Variants in SNX30 observed in about 807,000 individuals in gnomAD.
The protein encoded by SNX30 is sorting nexin-30.
A neutral mutation model predicts 46.4 loss-of-function variants in SNX30; 24 were observed. The observed-to-expected ratio is 0.52, with a 90% CI of 0.37 to 0.73. The LOEUF is 0.73. Ranked by LOEUF, SNX30 falls within the 30% of genes least tolerant of loss-of-function variation. The probability of loss-of-function intolerance (pLI) is 0.00; values close to 1 mark genes in which losing one functional copy is unlikely to be tolerated. For synonymous variants in SNX30, 189 were observed against 211.5 expected (o/e 0.89, Z 0.92); for missense variants, 533 against 555.7 (o/e 0.96, Z 0.41).
intron 1 of SNX30, among the ~76,000 whole-genome samples, chr9:112,797,923 G>A (rs55980494): frequency 0.15 from 21,530 of 144,380 alleles, 1,875 homozygotes; most frequent in Admixed American, 0.21. Context: ...TGTTGGCCAG[G>A]CTGGTCTTGA....
chr9:112,850,402 A>G (rs1198182743), intron 6 of SNX30, among the ~76,000 whole-genome samples: 2 of 152,236 alleles, frequency 1.3e-5, no homozygotes, highest in Non-Finnish European at 2.9e-5. Flanking sequence ...TGAACAGATC[A>G]GTCCACTAGG....
Position 112,788,350 on chromosome 9 carries a change from A to G in SNX30, c.157-16426A>G, listed in dbSNP as rs144506929. Among the ~76,000 whole-genome samples, 7 of 152,296 alleles carry G rather than the reference A, an allele frequency of 4.6e-5. No individual in the cohort carries two copies. The East Asian group carries it at 1.4e-3, about 29-fold the overall frequency. On this transcript the variant is annotated intron_variant, in intron 1 of 8. Coordinates refer to ENST00000374232, the MANE Select transcript of SNX30 (RefSeq NM_001012994.2). Reference sequence around the variant, plus strand: ...TTAGGCACCTGACTTCTTAGGTCACATGCAGAGTGCACTCCGCGTGTGTAG... The same window carrying G: ...TTAGGCACCTGACTTCTTAGGTCACGTGCAGAGTGCACTCCGCGTGTGTAG...
chr9:112,849,800 C>A (rs562841672), intron 6 of SNX30, among the ~76,000 whole-genome samples: 2 of 152,174 alleles, frequency 1.3e-5, no homozygotes, highest in South Asian at 4.1e-4. Flanking sequence ...TGACTCCTCA[C>A]GCTGCTGGAA....
intron 6 of SNX30, among the ~76,000 whole-genome samples, chr9:112,849,541 A>T (rs1411683205): frequency 6.6e-6 from 1 of 152,234 alleles, no homozygotes; most frequent in African/African-American, 2.4e-5. Flanking sequence ...AGGGAATGTC[A>T]GGGCACTTAG....
At chr9:112,847,303 G>A (rs757716767) in intron 6 of SNX30, among the ~76,000 whole-genome samples, 3 of 152,170 alleles carry the variant, frequency 2.0e-5, no homozygotes, top group Non-Finnish European at 4.4e-5. Flanking sequence ...AGCATCAGCA[G>A]TTGCCCACTC....
At chr9:112,794,969 T>C (rs1468391192) in intron 1 of SNX30, among the ~76,000 whole-genome samples, 1 of 152,228 alleles carries the variant, frequency 6.6e-6, no homozygotes, top group Non-Finnish European at 1.5e-5. Context: ...TTTTCATTAT[T>C]AATCAACTAT....
In SNX30 at chr9:112,751,032, T is replaced by C. The variant is rs1354849266; in HGVS notation, c.31T>C (p.Ser11Pro). MAGGPPKALPSTGPHSLRDMP... is the reference protein window; with the variant it reads MAGGPPKALPPTGPHSLRDMP... ...GGGCGGGCCCCCCAAGGCCCTGCCGTCCACGGGGCCCCACTCCCTGCGCGA... is the reference window on the plus strand; with the variant it reads ...GGGCGGGCCCCCCAAGGCCCTGCCGCCCACGGGGCCCCACTCCCTGCGCGA... Residue 11 changes from serine to proline, a missense_variant, in exon 1 of 9, where the codon TCC becomes CCC. By Grantham distance (74) the Ser-to-Pro change is moderately conservative (BLOSUM62 -1). Coordinates refer to ENST00000374232, the MANE Select transcript of SNX30 (RefSeq NM_001012994.2). 25 of 1,445,562 alleles carry C rather than the reference T, an allele frequency of 1.7e-5. No homozygotes were observed. Among genetic ancestry groups the C allele is most frequent in the Non-Finnish European group, 2.3e-5 (25 of 1,099,968 alleles). The allele number at this position is 1,445,562 out of a possible 1,614,324, so 89.5% of individuals were successfully genotyped here.
intron 3 of SNX30, among the ~76,000 whole-genome samples, chr9:112,826,479 T>G (rs538162343): frequency 6.6e-6 from 1 of 152,320 alleles, no homozygotes; most frequent in Admixed American, 6.5e-5. Flanking sequence ...AAACCAACCA[T>G]ATTTTTATAG....
chr9:112,756,006 G>A (rs935996365), intron 1 of SNX30, among the ~76,000 whole-genome samples: 2 of 152,010 alleles, frequency 1.3e-5, no homozygotes, highest in African/African-American at 4.8e-5. Flanking sequence ...TTTGGAATGA[G>A]GAAAGGAATT....
At chr9:112,849,433 C>T (rs1366132307) in intron 6 of SNX30, among the ~76,000 whole-genome samples, 1 of 152,148 alleles carries the variant, frequency 6.6e-6, no homozygotes, top group Non-Finnish European at 1.5e-5. Flanking sequence ...GGCAGTGGCT[C>T]CTGGGTTAGT....
intron 3 of SNX30, 24 bp from the exon 4 acceptor site, chr9:112,830,701 G>T (rs1564283930): frequency 4.4e-6 from 7 of 1,597,582 alleles, no homozygotes; most frequent in Admixed American, 1.8e-5. Context: ...AATTACTCTG[G>T]TTTTTTTCTT....
intron 1 of SNX30, among the ~76,000 whole-genome samples, chr9:112,755,325 G>A (rs1839330961): frequency 6.6e-6 from 1 of 152,200 alleles, no homozygotes; most frequent in African/African-American, 2.4e-5. Context: ...GCAGAGGCCG[G>A]AAGGCACAGG....
At chr9:112,793,388 G>T (rs1166357836) in intron 1 of SNX30, among the ~76,000 whole-genome samples, 2 of 152,124 alleles carry the variant, frequency 1.3e-5, no homozygotes, top group African/African-American at 4.8e-5. Context: ...CATGCGGGGG[G>T]AGAAGGCCAT....
intron 1 of SNX30, among the ~76,000 whole-genome samples, chr9:112,753,335 G>C (rs1839305116): frequency 6.6e-6 from 1 of 152,012 alleles, no homozygotes; most frequent in African/African-American, 2.4e-5. Context: ...TCCTTTAAAG[G>C]GTCTGTTCTG....
intron 1 of SNX30, among the ~76,000 whole-genome samples, chr9:112,757,429 CT>C (rs1424742284): frequency 6.6e-6 from 1 of 152,188 alleles, no homozygotes; most frequent in Non-Finnish European, 1.5e-5. Context: ...GTTTCTATAT[CT>C]TGGCTATTGT....
chr9:112,769,148 G>T (rs529491158), intron 1 of SNX30, among the ~76,000 whole-genome samples: 1 of 152,156 alleles, frequency 6.6e-6, no homozygotes, highest in African/African-American at 2.4e-5. Flanking sequence ...TTACAAATAC[G>T]TATGTTTCTT....
At position 112,836,339 on chromosome 9, in the gene SNX30, C is replaced by CTTAGAT; in HGVS notation, c.745_750dup (p.Leu249_Asp250dup). The CTTAGAT allele has an allele frequency of 6.2e-7, 1 of 1,612,528 alleles. No homozygotes were observed. The highest frequency in any genetic ancestry group is 8.5e-7 in the Non-Finnish European group (1 of 1,178,622). The stretch of plus-strand genomic sequence containing the variant: ...TTGAGTTTGCTGCCATAGGTGACTA[C>CTTAGAT]TTAGATACATTTGCACTCAAACTGG... On this transcript the variant is annotated inframe_insertion, in exon 5 of 9. Transcript: ENST00000374232.
At chr9:112,840,173 G>A (rs532135373) in intron 6 of SNX30, among the ~76,000 whole-genome samples, 47 of 152,218 alleles carry the variant, frequency 3.1e-4, no homozygotes, top group Non-Finnish European at 5.7e-4. Context: ...ATCTCTCAGT[G>A]ACCAGGGAAA....
downstream of SNX30, among the ~76,000 whole-genome samples, chr9:112,883,146 G>A (rs1016158732): frequency 6.6e-6 from 1 of 152,194 alleles, no homozygotes; most frequent in Non-Finnish European, 1.5e-5. Context: ...AACCAATTGA[G>A]TCAGACTGGA....
Sources: gnomAD v4.1 joint callset for allele counts (sites outside exome capture counted in the v4.1 genomes callset) on GRCh38, gnomAD v4.1.1 for gene constraint, MANE v1.5 for transcripts, NCBI Gene and HGNC (gene_info 2026-07-23, HGNC 2026-07-21) for gene names.